ZNF519: variants seen among roughly 807,000 people sequenced by gnomAD.
The protein encoded by ZNF519 is zinc finger protein 519, also known as similar to Zinc finger protein 85 (Zinc finger protein HPF4) (HTF1).
A neutral mutation model predicts 7.4 loss-of-function variants in ZNF519; 7 were observed. The ratio of observed to expected loss-of-function variants is 0.94; its 90% CI spans 0.54 to 1.77. The LOEUF (loss-of-function observed/expected upper bound fraction) is 1.77. Among genes scored for constraint, ZNF519 ranks in the 40% most tolerant of loss-of-function variants. The probability of loss-of-function intolerance (pLI) is 0.00; values close to 1 mark genes in which losing one functional copy is unlikely to be tolerated. For synonymous variants in ZNF519, 179 were observed against 203.3 expected, an observed-to-expected ratio of 0.88 and a Z score of 1.02; for missense variants, 586 against 623.1, an observed-to-expected ratio of 0.94 and a Z score of 0.63.
rs2046176068 is a variant in ZNF519 at position 14,104,207 on chromosome 18, G to C, written c.*710C>G. 1 of 152,146 alleles carries C rather than the reference G, an allele frequency of 6.6e-6. No individual in the cohort carries two copies. The highest frequency in any genetic ancestry group is 1.5e-5 in the Non-Finnish European group (1 of 68,006). 9.4% of individuals were successfully genotyped at this position (152,146 alleles called of 1,614,324 possible). A position where few individuals can be genotyped will look rare whatever the true frequency, so the allele number is the denominator to read the frequency against. ...GATACATTAGAATATTAATGGACTA[G>C]CAAGACCTTTTAATGGGTAGTTGGT... On this transcript the variant is annotated 3_prime_UTR_variant, in exon 3 of 3. Transcript: ENST00000590202.
chr18:14,080,995 T>C (rs1367779611), intron 3 of ZNF519, among the ~76,000 whole-genome samples: 38 of 152,152 alleles, frequency 2.5e-4, no homozygotes, highest in African/African-American at 4.8e-5. Flanking sequence ...AGTGAAACAA[T>C]TAGTGGAGTT....
downstream of ZNF519, among the ~76,000 whole-genome samples, chr18:14,099,598 G>A (rs1214833032): frequency 1.2e-4 from 18 of 152,180 alleles, no homozygotes; most frequent in Admixed American, 1.2e-3. Context: ...TACAAGAGAT[G>A]TTCATCCTAA....
At chr18:14,084,913 T>C (rs2046083931) in exon 3 of ZNF519, 1 of 152,218 alleles carries the variant, frequency 6.6e-6, no homozygotes, top group Non-Finnish European at 1.5e-5. Flanking sequence ...CAGCATCACG[T>C]CTCTGTGCAG....
chr18:14,130,483 A>C (rs991339073), intron 1 of ZNF519, among the ~76,000 whole-genome samples: 28 of 152,224 alleles, frequency 1.8e-4, no homozygotes, highest in African/African-American at 6.3e-4. Context: ...TAAGTGAGCA[A>C]ATCTATACAG....
chr18:14,102,631 CA>C lies in ZNF519; in HGVS notation c.*2285del, dbSNP rs1362954513. The C allele has an allele frequency of 6.6e-6, 1 of 152,080 alleles. No homozygotes were observed. Among genetic ancestry groups the C allele is most frequent in the Non-Finnish European group, 1.5e-5 (1 of 68,010 alleles). 9.4% of individuals were successfully genotyped at this position (152,080 alleles called of 1,614,324 possible). A position where few individuals can be genotyped will look rare whatever the true frequency, so the allele number is the denominator to read the frequency against. On this transcript the variant is annotated 3_prime_UTR_variant, in exon 3 of 3. Coordinates refer to ENST00000590202, the MANE Select transcript of ZNF519 (RefSeq NM_145287.4). ...ACTATCAAAGGAAATGGTAAGGATA[CA>C]AAATGTAGAGTACTTTTTAAAATAA...
chr18:14,132,220 C>A (rs1217302936), intron 1 of ZNF519, 55 bp downstream of exon 1: 1 of 1,606,980 alleles, frequency 6.2e-7, no homozygotes, highest in African/African-American at 1.3e-5. Context: ...CCATGTCCAG[C>A]CGGTTCCAAG....
intron 2 of ZNF519, among the ~76,000 whole-genome samples, chr18:14,085,376 G>C (rs1248084348): frequency 6.6e-6 from 1 of 151,832 alleles, no homozygotes; most frequent in Non-Finnish European, 1.5e-5. Flanking sequence ...GGAGACAGAA[G>C]AATCACTTCT....
intron 1 of ZNF519, among the ~76,000 whole-genome samples, chr18:14,130,606 G>GAAGT: frequency 6.6e-6 from 1 of 151,896 alleles, no homozygotes; most frequent in Middle Eastern, 3.4e-3. Context: ...ACTCCTCACT[G>GAAGT]AAGTGCTCAA....
intron 1 of ZNF519, among the ~76,000 whole-genome samples, chr18:14,125,678 A>G (rs1160503519): frequency 6.6e-6 from 1 of 151,760 alleles, no homozygotes; most frequent in Non-Finnish European, 1.5e-5. Flanking sequence ...CTCTAGAAAC[A>G]CTGGTTTTAA....
intron 2 of ZNF519, among the ~76,000 whole-genome samples, chr18:14,106,736 A>T (rs1567948995): frequency 6.6e-6 from 1 of 152,098 alleles, no homozygotes; most frequent in East Asian, 1.9e-4. Context: ...CACTAATGCC[A>T]CCCCTCACTC....
intron 3 of ZNF519, chr18:14,082,463 CGA>C (rs1293704337): frequency 6.6e-6 from 1 of 152,066 alleles, no homozygotes; most frequent in Non-Finnish European, 1.5e-5. Flanking sequence ...TGGATTTTTA[CGA>C]GAGTTTCCCT....
chr18:14,074,943 A>G (rs1290055698), downstream of ZNF519: 1 of 152,120 alleles, frequency 6.6e-6, no homozygotes, highest in African/African-American at 2.4e-5. Context: ...CAAGACTGGG[A>G]AGAAAAAAAG....
chr18:14,085,520 A>G, intron 2 of ZNF519, among the ~76,000 whole-genome samples: 1 of 152,166 alleles, frequency 6.6e-6, no homozygotes, highest in South Asian at 2.1e-4. Flanking sequence ...AAATTAAACA[A>G]CTATCCAAGC....
chr18:14,093,701 A>G (rs1008625683), intron 2 of ZNF519, among the ~76,000 whole-genome samples: 6 of 152,358 alleles, frequency 3.9e-5, no homozygotes, highest in African/African-American at 1.4e-4. Flanking sequence ...AAAGTGGCAT[A>G]CAGAAAATTA....
intron 3 of ZNF519, among the ~76,000 whole-genome samples, chr18:14,083,320 A>C (rs1204307861): frequency 2.0e-5 from 3 of 152,210 alleles, no homozygotes; most frequent in Non-Finnish European, 4.4e-5. Context: ...ACTGCATTCC[A>C]GCCTGGGCAA....
chr18:14,103,095 T>C lies in ZNF519; in HGVS notation c.*1822A>G, dbSNP rs1323302442. ...ATAGATTAAATAATCAAATCCATTATTTGGAGTTTATCAGAAGTATAGAAA... is the reference window on the plus strand; with the variant it reads ...ATAGATTAAATAATCAAATCCATTACTTGGAGTTTATCAGAAGTATAGAAA... On this transcript the variant is annotated 3_prime_UTR_variant, in exon 3 of 3. Transcript: ENST00000590202. 6.6e-6 allele frequency: 1 copy of C among 152,150 alleles called. No homozygotes were observed. Among genetic ancestry groups the C allele is most frequent in the African/African-American group, 2.4e-5 (1 of 41,446 alleles). 9.4% of individuals were successfully genotyped at this position (152,150 alleles called of 1,614,324 possible).
At chr18:14,113,460 A>G (rs1261917970) in intron 2 of ZNF519, among the ~76,000 whole-genome samples, 1 of 152,284 alleles carries the variant, frequency 6.6e-6, no homozygotes, top group East Asian at 1.9e-4. Context: ...CTGAAGTCTC[A>G]TGTCTCCCTA....
chr18:14,108,614 TAAA>T (rs34504051), intron 2 of ZNF519, among the ~76,000 whole-genome samples: 1 of 135,152 alleles, frequency 7.4e-6, no homozygotes, highest in Non-Finnish European at 1.6e-5. Flanking sequence ...GCTAAATGGA[TAAA>T]AAAAAAAAAG....
downstream of ZNF519, among the ~76,000 whole-genome samples, chr18:14,097,414 A>G (rs2046141213): frequency 6.6e-6 from 1 of 152,196 alleles, no homozygotes; most frequent in Admixed American, 6.5e-5. Context: ...GTATGTGTAA[A>G]GCAGCCTGTG....
Sources: allele counts gnomAD v4.1 joint callset (sites outside exome capture counted in the v4.1 genomes callset), GRCh38; gene constraint gnomAD v4.1.1; transcripts MANE v1.5; gene names NCBI Gene and HGNC (gene_info 2026-07-23, HGNC 2026-07-21).